Variants in TENM2 observed in about 807,000 individuals in gnomAD.
The protein encoded by TENM2 is teneurin-2.
A neutral mutation model predicts 245.2 loss-of-function variants in TENM2; 52 were observed. The observed-to-expected ratio is 0.21, with a 90% CI of 0.17 to 0.27. The LOEUF (loss-of-function observed/expected upper bound fraction) is 0.27, where lower values mean the gene tolerates loss of function less well. Among genes scored for constraint, TENM2 ranks in the 10% least tolerant of loss-of-function variants. TENM2 has a pLI of 1.00. For synonymous variants in TENM2, 1,363 were observed against 1,438.9 expected, an observed-to-expected ratio of 0.95 and a Z score of 1.19; for missense variants, 3,046 against 3,666.8, an observed-to-expected ratio of 0.83 and a Z score of 4.37.
At chr5:168,198,476 G>A (rs957174421) in intron 15 of TENM2, among the ~76,000 whole-genome samples, 30 of 152,208 alleles carry the variant, frequency 2.0e-4, no homozygotes, top group African/African-American at 6.0e-4. Flanking sequence ...GATTACAGGC[G>A]TAAGCCACCA....
chr5:167,288,031 A>C (rs1002396773), intron 1 of TENM2, among the ~76,000 whole-genome samples: 5 of 152,176 alleles, frequency 3.3e-5, no homozygotes, highest in African/African-American at 1.2e-4. Context: ...AGGTCGGCCA[A>C]GTTCCCAGGC....
intron 7 of TENM2, among the ~76,000 whole-genome samples, chr5:168,089,376 A>G (rs770786474): frequency 1.3e-5 from 2 of 152,052 alleles, no homozygotes; most frequent in Non-Finnish European, 2.9e-5. Flanking sequence ...TCCTTAAAAC[A>G]TCCCTTTCAT....
chr5:167,987,639 C>T (rs1419076737), intron 4 of TENM2, among the ~76,000 whole-genome samples: 2 of 152,012 alleles, frequency 1.3e-5, no homozygotes, highest in Non-Finnish European at 2.9e-5. Flanking sequence ...GCTTCTTAAT[C>T]GATATACTCC....
intron 13 of TENM2, among the ~76,000 whole-genome samples, chr5:168,183,917 C>G (rs1022812624): frequency 2.6e-5 from 4 of 152,020 alleles, no homozygotes; most frequent in Non-Finnish European, 4.4e-5. Flanking sequence ...GTTGTAAGGA[C>G]CTTTCGTGGA....
chr5:167,900,646 G>T, intron 3 of TENM2, among the ~76,000 whole-genome samples: 1 of 152,194 alleles, frequency 6.6e-6, no homozygotes, highest in East Asian at 1.9e-4. Context: ...GAAGTGGAAG[G>T]ACTGGAGGAT....
chr5:167,381,677 C>T (rs1012180705), intron 2 of TENM2, among the ~76,000 whole-genome samples: 6 of 152,132 alleles, frequency 3.9e-5, no homozygotes, highest in African/African-American at 1.4e-4. Context: ...CTCCAGGCTA[C>T]ACTGTTGTTT....
intron 4 of TENM2, among the ~76,000 whole-genome samples, chr5:167,972,050 C>A (rs2151926803): frequency 6.6e-6 from 1 of 152,330 alleles, no homozygotes; most frequent in South Asian, 2.1e-4. Context: ...CCATTTCCTT[C>A]TGCAAAGGAA....
chr5:168,130,980 T>G (rs1002981225), intron 12 of TENM2, among the ~76,000 whole-genome samples: 55 of 152,098 alleles, frequency 3.6e-4, no homozygotes, highest in African/African-American at 1.3e-3. Context: ...TAATAATAGA[T>G]CAAAATCACT....
exon 29 of TENM2, chr5:168,262,896 G>T: frequency 7.6e-7 from 1 of 1,313,558 alleles, no homozygotes; most frequent in Non-Finnish European, 1.0e-6. Context: ...AGACCTAACA[G>T]GGGCACTGCG....
intron 3 of TENM2, among the ~76,000 whole-genome samples, chr5:167,883,654 TG>T (rs918469606): frequency 1.5e-4 from 23 of 152,318 alleles, no homozygotes; most frequent in African/African-American, 4.8e-4. Context: ...CCTGGCTTCT[TG>T]GTACATATAA....
chr5:167,993,045 G>A (rs551007431), exon 5 of TENM2: 12 of 1,613,814 alleles, frequency 7.4e-6, no homozygotes, highest in East Asian at 2.2e-5. Flanking sequence ...CCCCCGCCCC[G>A]CCTGCTGCCC....
chr5:168,104,014 T>C (rs979797807), intron 9 of TENM2, among the ~76,000 whole-genome samples: 2 of 151,228 alleles, frequency 1.3e-5, no homozygotes, highest in Non-Finnish European at 3.0e-5. Context: ...GTTTGTTTGT[T>C]TGTTTGTTTG....
intron 2 of TENM2, among the ~76,000 whole-genome samples, chr5:167,736,324 A>G (rs905036291): frequency 2.6e-5 from 4 of 152,182 alleles, no homozygotes; most frequent in African/African-American, 7.2e-5. Context: ...TATGGGAACT[A>G]CAATTCAAGA....
At chr5:167,501,954 TC>T (rs1349443812) in intron 2 of TENM2, among the ~76,000 whole-genome samples, 1 of 152,060 alleles carries the variant, frequency 6.6e-6, no homozygotes, top group Admixed American at 6.6e-5. Flanking sequence ...AAACTATTTT[TC>T]TAAATTTAAC....
chr5:167,887,820 C>T (rs960669317), intron 3 of TENM2, among the ~76,000 whole-genome samples: 12 of 152,172 alleles, frequency 7.9e-5, no homozygotes, highest in African/African-American at 2.9e-4. Context: ...TATTCTGTCA[C>T]AGTTCTAGAG....
the TENM2 span, among the ~76,000 whole-genome samples, chr5:167,123,161 T>C: frequency 6.9e-6 from 1 of 144,274 alleles, no homozygotes; most frequent in East Asian, 2.0e-4. Flanking sequence ...AAAAAAAAAA[T>C]TAGCCAGGCG....
At chr5:167,837,667 A>G (rs1561838605) in intron 2 of TENM2, among the ~76,000 whole-genome samples, 2 of 152,192 alleles carry the variant, frequency 1.3e-5, no homozygotes, top group Non-Finnish European at 2.9e-5. Flanking sequence ...TGCACAGTTA[A>G]AACTTTAAAT....
chr5:168,209,404 T>C lies in TENM2; in HGVS notation c.3825-2330T>C, dbSNP rs115442959. On this transcript the variant is annotated intron_variant, in intron 19 of 28. Coordinates refer to ENST00000518659, the Ensembl canonical transcript of TENM2. ...AGTGATGCTAGACAAATCAACATTG[T>C]AGGGCAGGAGCATTCCTCAAAGACA... is the stretch of plus-strand genomic sequence containing the variant. Among the ~76,000 whole-genome samples the C allele has an allele frequency of 3.0e-3, 460 of 152,314 alleles. 3 individuals carry two copies. Among genetic ancestry groups the C allele is most frequent in the African/African-American group, 0.01 (436 of 41,562 alleles).
At chr5:167,639,450 C>T (rs775871611) in intron 2 of TENM2, among the ~76,000 whole-genome samples, 23 of 152,116 alleles carry the variant, frequency 1.5e-4, no homozygotes, top group Non-Finnish European at 2.6e-4. Flanking sequence ...TTTCAAATAC[C>T]ATTCTGACTT....
Sources: gnomAD v4.1 joint callset for allele counts (sites outside exome capture counted in the v4.1 genomes callset) on GRCh38, gnomAD v4.1.1 for gene constraint, MANE v1.5 for transcripts, NCBI Gene and HGNC (gene_info 2026-07-23, HGNC 2026-07-21) for gene names.